GATA4: variants seen among roughly 807,000 people sequenced by gnomAD.
GATA4 encodes GATA binding protein 4.
In GATA4, 7 loss-of-function variants were observed where a neutral mutation model predicts 37.9. The ratio of observed to expected loss-of-function variants is 0.18; its 90% CI spans 0.11 to 0.35. The LOEUF (loss-of-function observed/expected upper bound fraction) is 0.35. Ranked by LOEUF, GATA4 falls within the 10% of genes least tolerant of loss-of-function variation. The pLI, the probability that GATA4 is intolerant of heterozygous loss-of-function variation, is 1.00. For missense variants in GATA4, 647 were observed against 653.0 expected, an observed-to-expected ratio of 0.99 and a Z score of 0.10; for synonymous variants, 372 against 292.6, an observed-to-expected ratio of 1.27 and a Z score of -2.77.
At position 11,749,454 on chromosome 8, in the gene GATA4, G is replaced by C. The variant is rs1478742345; in HGVS notation, c.786+369G>C. Among the ~76,000 whole-genome samples, 3 of 152,144 alleles carry C rather than the reference G, an allele frequency of 2.0e-5. No homozygotes were observed. The highest frequency in any genetic ancestry group is 2.9e-5 in the Non-Finnish European group (2 of 68,024). On this transcript the variant is annotated intron_variant, in intron 3 of 6. Coordinates refer to ENST00000532059, the MANE Select transcript of GATA4 (RefSeq NM_001308093.3). This position sits in a 1 kb window ranked among gnomAD's most constrained non-coding sequence, Gnocchi z 4.6. The stretch of plus-strand genomic sequence containing the variant: ...CACCCACACCAACCCTGCAAGGAAG[G>C]TCACCTCAGAGGCTGGTCTCTACCC...
chr8:11,702,270 C>A (rs1227483507), upstream of GATA4, among the ~76,000 whole-genome samples: 1 of 152,182 alleles, frequency 6.6e-6, no homozygotes, highest in African/African-American at 2.4e-5. The surrounding 1 kb of genome is among the most constrained non-coding windows in gnomAD (Gnocchi z 4.4). Flanking sequence ...ACTGCCCGGT[C>A]CAGACTCAGC....
intron 1 of GATA4, among the ~76,000 whole-genome samples, chr8:11,693,562 C>CACACACAGAGAGAGAG (rs1405047773): frequency 4.2e-5 from 3 of 72,146 alleles, no homozygotes; most frequent in Non-Finnish European, 5.7e-5. Flanking sequence ...CACACACACA[C>CACACACAGAGAGAGAG]AGAGAGAGAG....
chr8:11,684,908 G>A (rs937973019), intron 1 of GATA4, among the ~76,000 whole-genome samples: 4 of 152,222 alleles, frequency 2.6e-5, no homozygotes, highest in African/African-American at 4.8e-5. Flanking sequence ...TGGTGGTTGT[G>A]GAAATTGTGT....
upstream of GATA4, among the ~76,000 whole-genome samples, chr8:11,689,495 A>G (rs1328426425): frequency 6.6e-6 from 1 of 152,108 alleles, no homozygotes; most frequent in African/African-American, 2.4e-5. Context: ...TGCCCCACAC[A>G]CACTTGGCTA....
chr8:11,684,387 T>C (rs1289334562), intron 1 of GATA4, among the ~76,000 whole-genome samples: 1 of 152,228 alleles, frequency 6.6e-6, no homozygotes, highest in Admixed American at 6.5e-5. Context: ...GGAATGTGCT[T>C]CTCAAAAGTT....
chr8:11,687,406 A>C (rs79415725), intron 1 of GATA4, among the ~76,000 whole-genome samples: 1 of 152,134 alleles, frequency 6.6e-6, no homozygotes, highest in Non-Finnish European at 1.5e-5. Context: ...CCTGTAATCA[A>C]AATAGAATCC....
chr8:11,712,204 C>T (rs1291432241), intron 2 of GATA4, among the ~76,000 whole-genome samples: 14 of 152,166 alleles, frequency 9.2e-5, no homozygotes. Flanking sequence ...GTAGAGTTAC[C>T]AATTTTGCTG....
chr8:11,725,390 A>C (rs1032087672), intron 2 of GATA4, among the ~76,000 whole-genome samples: 2 of 152,222 alleles, frequency 1.3e-5, no homozygotes, highest in South Asian at 4.1e-4. Flanking sequence ...CCCGTGCATC[A>C]CGCAAGGGCT....
chr8:11,686,732 G>A (rs555787593), intron 1 of GATA4, among the ~76,000 whole-genome samples: 2 of 152,294 alleles, frequency 1.3e-5, no homozygotes, highest in Admixed American at 1.3e-4. Flanking sequence ...GGGCGCAGTA[G>A]CTCATGCCTC....
rs371005520 is a variant in GATA4 at position 11,750,241 on chromosome 8, G to A, written c.912+5G>A. On this transcript the variant is annotated splice_donor_5th_base_variant and intron_variant, in intron 4 of 6. Coordinates refer to ENST00000532059, the MANE Select transcript of GATA4 (RefSeq NM_001308093.3). ...CTCTACATGAAGCTCCACGGGGTAC[G>A]TGGGTCCTGCGCCCATGCGGCATCC... 51 of 1,612,198 alleles carry A rather than the reference G, an allele frequency of 3.2e-5. No homozygotes were observed. In the East Asian group the frequency reaches 5.8e-4, roughly 18 times the overall value.
upstream of GATA4, among the ~76,000 whole-genome samples, chr8:11,688,669 C>A (rs1026316606): frequency 6.6e-6 from 1 of 152,142 alleles, no homozygotes; most frequent in African/African-American, 2.4e-5. Context: ...CCTGGTGTGA[C>A]TAGGGGAGCC....
chr8:11,718,020 A>G lies in GATA4; in HGVS notation c.616+9092A>G, dbSNP rs553397971. 8.5e-5 allele frequency among the ~76,000 whole-genome samples: 13 copies of G among 152,376 alleles called. No homozygotes were observed. In the East Asian group the frequency reaches 2.3e-3, roughly 27 times the overall value. On this transcript the variant is annotated intron_variant, in intron 2 of 6. Coordinates refer to ENST00000532059, the MANE Select transcript of GATA4 (RefSeq NM_001308093.3). ...AAAATCCCTTTCCTAAGAGAAATCTATAACTGACCCTCTGTGTTCCCTTTT... is the reference window on the plus strand; with the variant it reads ...AAAATCCCTTTCCTAAGAGAAATCTGTAACTGACCCTCTGTGTTCCCTTTT...
At chr8:11,699,849 A>G (rs1377469521), upstream of GATA4, among the ~76,000 whole-genome samples, 1 of 152,198 alleles carries the variant, frequency 6.6e-6, no homozygotes, top group Non-Finnish European at 1.5e-5. Flanking sequence ...TTTTTTAAAC[A>G]TTGATTTTAT....
chr8:11,750,309 C>A (rs1406339249), intron 4 of GATA4, 73 bp downstream of exon 4: 3 of 1,584,974 alleles, frequency 1.9e-6, no homozygotes, highest in Non-Finnish European at 2.6e-6. Context: ...TTGTCTTCTT[C>A]CTTTGTACTA....
intron 1 of GATA4, among the ~76,000 whole-genome samples, chr8:11,704,807 T>C (rs1799820216): frequency 6.6e-6 from 1 of 152,234 alleles, no homozygotes; most frequent in South Asian, 2.1e-4. Context: ...GGAGCCGCTC[T>C]GAGGTGCGGA....
At chr8:11,714,163 T>C (rs1365954315) in intron 2 of GATA4, among the ~76,000 whole-genome samples, 1 of 152,228 alleles carries the variant, frequency 6.6e-6, no homozygotes, top group Non-Finnish European at 1.5e-5. Context: ...GAATAACAAT[T>C]ATTTTGTGTA....
At chr8:11,715,006 T>C (rs1800375370) in intron 2 of GATA4, among the ~76,000 whole-genome samples, 1 of 152,190 alleles carries the variant, frequency 6.6e-6, no homozygotes, top group Non-Finnish European at 1.5e-5. Flanking sequence ...GCATTGCTCG[T>C]AATAACAAAA....
intron 2 of GATA4, among the ~76,000 whole-genome samples, chr8:11,720,037 G>C (rs979385969): frequency 6.6e-6 from 1 of 152,050 alleles, no homozygotes; most frequent in African/African-American, 2.4e-5. Context: ...GGTGACCCAA[G>C]ATCCCAGCAG....
At chr8:11,682,209 T>G (rs1471572457) in intron 1 of GATA4, among the ~76,000 whole-genome samples, 1 of 152,246 alleles carries the variant, frequency 6.6e-6, no homozygotes, top group East Asian at 1.9e-4. Flanking sequence ...TTCTTAAATG[T>G]AGAATCTTTT....
Sources: gnomAD v4.1 joint callset for allele counts (sites outside exome capture counted in the v4.1 genomes callset) on GRCh38, gnomAD v4.1.1 for gene constraint, Gnocchi (gnomAD v3.1) non-coding constraint, MANE v1.5 for transcripts, NCBI Gene and HGNC (gene_info 2026-07-23, HGNC 2026-07-21) for gene names.